Variants in MAX observed in about 807,000 individuals in gnomAD.
MAX encodes the protein protein max.
In MAX, 3 loss-of-function variants were observed where a neutral mutation model predicts 22.3. The ratio of observed to expected loss-of-function variants is 0.13; its 90% CI spans 0.06 to 0.35. MAX has a LOEUF of 0.35. Ranked by LOEUF, MAX falls within the 10% of genes least tolerant of loss-of-function variation. The pLI, the probability that MAX is intolerant of heterozygous loss-of-function variation, is 1.00. For missense variants in MAX, 119 were observed against 209.4 expected, an observed-to-expected ratio of 0.57 and a Z score of 2.66; for synonymous variants, 72 against 77.7, an observed-to-expected ratio of 0.93 and a Z score of 0.39.
In MAX at chr14:65,030,729, G is replaced by GA. The variant is rs1232174571; in HGVS notation, c.172-24446dup. ...CACTGCAGCCTGGGCAACAAAGTGA[G>GA]ATCCTATCTTAAAAAAAAAAAAGAA... On this transcript the variant is annotated intron_variant, in intron 3 of 3. Coordinates refer to the MAX transcript ENST00000341653. This position sits in a 1 kb window ranked among gnomAD's most constrained non-coding sequence, Gnocchi z 4.5. 2.0e-5 allele frequency among the ~76,000 whole-genome samples: 3 copies of GA among 151,302 alleles called. No homozygotes were observed. Among genetic ancestry groups the GA allele is most frequent in the African/African-American group, 7.3e-5 (3 of 41,136 alleles).
At position 65,044,978 on chromosome 14, in the gene MAX, A is replaced by C. The variant is rs2062443562; in HGVS notation, c.172-38694T>G. ...TGGCTGCAGAGTTGTCACTATTAGA[A>C]ATGTTTTATTTTACATTCATTGAAT... On this transcript the variant is annotated intron_variant, in intron 3 of 3. Transcript: ENST00000341653. The surrounding 1 kb of genome is among the most constrained non-coding windows in gnomAD (Gnocchi z 5.5). Among the ~76,000 whole-genome samples, 1 of 152,104 alleles carries C rather than the reference A, an allele frequency of 6.6e-6. No individual in the cohort carries two copies. The highest frequency in any genetic ancestry group is 2.4e-5 in the African/African-American group (1 of 41,424).
At chr14:65,061,202 A>G in intron 3 of MAX, 2 of 1,614,158 alleles carry the variant, frequency 1.2e-6, no homozygotes, top group Non-Finnish European at 1.7e-6. Flanking sequence ...CCCAGTGTAC[A>G]ACATTGGACC....
At position 65,037,745 on chromosome 14, in the gene MAX, TTTATTTATTTATTTA is replaced by T. The variant is rs2062240159; in HGVS notation, c.172-31476_172-31462del. Among the ~76,000 whole-genome samples, 6 of 55,062 alleles carry T rather than the reference TTTATTTATTTATTTA, an allele frequency of 1.1e-4. 1 individual carries two copies. Among genetic ancestry groups the T allele is most frequent in the African/African-American group, 3.6e-4 (5 of 13,812 alleles). 36.1% of individuals were successfully genotyped at this position (55,062 alleles called of 152,430 possible). A position where few individuals can be genotyped will look rare whatever the true frequency, so the allele number is the denominator to read the frequency against. ...CAGCCTCTTATTTATTTATTTATTA[TTTATTTATTTATTTA>T]TTTATTTATTTATTTATTTATTTAT... On this transcript the variant is annotated intron_variant, in intron 3 of 3. Transcript: ENST00000341653.
chr14:65,027,428 T>G lies in MAX; in HGVS notation c.172-21144A>C. On this transcript the variant is annotated intron_variant, in intron 3 of 3. Coordinates refer to the MAX transcript ENST00000341653. This position sits in a 1 kb window ranked among gnomAD's most constrained non-coding sequence, Gnocchi z 5.7. ...TGACATGAATGCTCTCTGACTTTGTTTTTGCCCTTTGGCTGTGTACCTAGT... is the reference window on the plus strand; with the variant it reads ...TGACATGAATGCTCTCTGACTTTGTGTTTGCCCTTTGGCTGTGTACCTAGT... The G allele has an allele frequency of 1.2e-6, 2 of 1,612,920 alleles. No homozygotes were observed. The highest frequency in any genetic ancestry group is 1.7e-6 in the Non-Finnish European group (2 of 1,179,436).
intron 3 of MAX, among the ~76,000 whole-genome samples, chr14:65,057,043 C>T (rs1263003919): frequency 6.6e-6 from 1 of 152,188 alleles, no homozygotes; most frequent in Non-Finnish European, 1.5e-5. Context: ...TCCATTCCCT[C>T]AAGGACTAAT....
At chr14:65,045,517 G>A (rs917420789) in intron 3 of MAX, among the ~76,000 whole-genome samples, 3 of 148,540 alleles carry the variant, frequency 2.0e-5, no homozygotes, top group African/African-American at 7.4e-5. Flanking sequence ...CCAGGTTCAA[G>A]CAATTCTCCT....
In MAX at chr14:65,077,013, G is replaced by A; in HGVS notation, c.296-350C>T. On this transcript the variant is annotated intron_variant, in intron 4 of 4. Coordinates refer to ENST00000358664, the MANE Select transcript of MAX (RefSeq NM_002382.5). This position sits in a 1 kb window ranked among gnomAD's most constrained non-coding sequence, Gnocchi z 6.3. ...TAACAGAGGAGAAGCTGGCCCAGGA[G>A]CATGAGGCTCCACAAGGTGTGAGGC... 1.8e-6 allele frequency: 1 copy of A among 543,260 alleles called. No individual in the cohort carries two copies. The highest frequency in any genetic ancestry group is 3.3e-6 in the Non-Finnish European group (1 of 303,864). The allele number at this position is 543,260 out of a possible 1,614,324, so 33.7% of individuals were successfully genotyped here.
In MAX at chr14:65,044,361, C is replaced by T; in HGVS notation, c.172-38077G>A. 6.2e-7 allele frequency: 1 copy of T among 1,613,570 alleles called. No individual in the cohort carries two copies. Among genetic ancestry groups the T allele is most frequent in the South Asian group, 1.1e-5 (1 of 90,852 alleles). On this transcript the variant is annotated intron_variant, in intron 3 of 3. Transcript: ENST00000341653. This position sits in a 1 kb window ranked among gnomAD's most constrained non-coding sequence, Gnocchi z 5.5. The stretch of plus-strand genomic sequence containing the variant: ...GATTTGAAGGAGGATTTCAGGGCCG[C>T]TGCAACAAGCTGGTGGATGGCTGCT...
At chr14:65,061,268 G>A in intron 3 of MAX, 1 of 1,614,154 alleles carries the variant, frequency 6.2e-7, no homozygotes. Flanking sequence ...CCCAGGTTTT[G>A]AGGAGCTTAA....
chr14:65,078,182 G>A lies in MAX; in HGVS notation c.172-146C>T. On this transcript the variant is annotated intron_variant, in intron 3 of 4. Transcript: ENST00000358664. This position sits in a 1 kb window ranked among gnomAD's most constrained non-coding sequence, Gnocchi z 6.4. ...CTGAAGAAATACAATAATGGCTACT[G>A]TAGGCTTTATTTATTTATTTATTTT... The A allele has an allele frequency of 3.9e-6, 3 of 775,564 alleles. No individual in the cohort carries two copies. In the South Asian group the frequency reaches 4.9e-5, roughly 13 times the overall value. 48.0% of individuals were successfully genotyped at this position (775,564 alleles called of 1,614,324 possible).
At chr14:65,025,038 C>T (rs963259190) in intron 3 of MAX, among the ~76,000 whole-genome samples, 2 of 152,088 alleles carry the variant, frequency 1.3e-5, no homozygotes, top group Admixed American at 1.3e-4. Context: ...CTTGCCAATT[C>T]CTTAAGGTGC....
chr14:65,074,549 G>A (rs2063018595), downstream of MAX, among the ~76,000 whole-genome samples: 1 of 152,216 alleles, frequency 6.6e-6, no homozygotes, highest in South Asian at 2.1e-4. Flanking sequence ...AGTATTTCCT[G>A]TCAGCCAGAC....
At chr14:65,035,622 T>G (rs1456422820) in intron 3 of MAX, among the ~76,000 whole-genome samples, 2 of 152,098 alleles carry the variant, frequency 1.3e-5, no homozygotes, top group African/African-American at 4.8e-5. Context: ...CACCACCTCC[T>G]GGGCTCAAGC....
chr14:65,075,290 G>A lies in MAX; in HGVS notation c.*1186C>T. 9.4e-7 allele frequency: 1 copy of A among 1,061,674 alleles called. No individual in the cohort carries two copies. The highest frequency in any genetic ancestry group is 4.6e-5 in the South Asian group (1 of 21,940). 65.8% of individuals were successfully genotyped at this position (1,061,674 alleles called of 1,614,324 possible). A position where few individuals can be genotyped will look rare whatever the true frequency, so the allele number is the denominator to read the frequency against. ...ATACACTAGAAATCAGCAAATGCCA[G>A]GAACGGAGTAGGAAAAAGACAAAGA... On this transcript the variant is annotated 3_prime_UTR_variant, in exon 5 of 5. Transcript: ENST00000358664. The surrounding 1 kb of genome is among the most constrained non-coding windows in gnomAD (Gnocchi z 4.1).
chr14:65,084,229 G>A lies in MAX; in HGVS notation c.172-6193C>T, dbSNP rs577562880. ...GTGCACTTGGTAGCTTGAAATGAAG[G>A]TGTGGCATTTCTGCATCAAACTTTG... On this transcript the variant is annotated intron_variant, in intron 3 of 4. Transcript: ENST00000358664. This position sits in a 1 kb window ranked among gnomAD's most constrained non-coding sequence, Gnocchi z 4.3. 3 of 1,614,068 alleles carry A rather than the reference G, an allele frequency of 1.9e-6. No individual in the cohort carries two copies. In the East Asian group the frequency reaches 6.7e-5, roughly 36 times the overall value.
rs1340431859 is a variant in MAX at position 65,014,086 on chromosome 14, G to T, written c.172-7802C>A. 1.3e-5 allele frequency among the ~76,000 whole-genome samples: 2 copies of T among 152,194 alleles called. No homozygotes were observed. Among genetic ancestry groups the T allele is most frequent in the Non-Finnish European group, 2.9e-5 (2 of 68,038 alleles). ...GGATATCAGCATAGTTTTGAAGAGAGCAGCTTGGGCCAACGGAAAGAACAC... is the reference window on the plus strand; with the variant it reads ...GGATATCAGCATAGTTTTGAAGAGATCAGCTTGGGCCAACGGAAAGAACAC... On this transcript the variant is annotated intron_variant, in intron 3 of 3. Transcript: ENST00000341653. This position sits in a 1 kb window ranked among gnomAD's most constrained non-coding sequence, Gnocchi z 5.1.
intron 3 of MAX, among the ~76,000 whole-genome samples, chr14:65,086,576 A>AT (rs1422610423): frequency 9.2e-5 from 14 of 152,340 alleles, no homozygotes; most frequent in African/African-American, 2.9e-4. Context: ...TACGCTAGAG[A>AT]TAAGTGGAAC....
rs973553925 is a variant in MAX at position 65,043,588 on chromosome 14, C to T, written c.172-37304G>A. On this transcript the variant is annotated intron_variant, in intron 3 of 3. Coordinates refer to the MAX transcript ENST00000341653. ...CTGTAATCCCAGCACTTTGGGAGGCCGAGGCGGGTGGATCATGAGGTCAGG... is the reference window on the plus strand; with the variant it reads ...CTGTAATCCCAGCACTTTGGGAGGCTGAGGCGGGTGGATCATGAGGTCAGG... Among the ~76,000 whole-genome samples the T allele has an allele frequency of 5.3e-5, 8 of 151,762 alleles. No homozygotes were observed. In the South Asian group the frequency reaches 8.3e-4, roughly 16 times the overall value.
intron 3 of MAX, among the ~76,000 whole-genome samples, chr14:65,066,163 G>T (rs2062929349): frequency 6.6e-6 from 1 of 152,212 alleles, no homozygotes; most frequent in Non-Finnish European, 1.5e-5. Context: ...AAATAGGGCA[G>T]GCCCCTCACC....
Sources: gnomAD v4.1 joint callset for allele counts (sites outside exome capture counted in the v4.1 genomes callset) on GRCh38, gnomAD v4.1.1 for gene constraint, Gnocchi (gnomAD v3.1) non-coding constraint, MANE v1.5 for transcripts, NCBI Gene and HGNC (gene_info 2026-07-23, HGNC 2026-07-21) for gene names.